The following PARD3 variants were observed in gnomAD, a reference collection of about 807,000 sequenced individuals.
PARD3 encodes the protein partitioning defective 3 homolog.
PARD3 carries 75 observed loss-of-function variants against 155.4 expected under a neutral mutation model. The ratio of observed to expected loss-of-function variants is 0.48; its 90% CI spans 0.40 to 0.58. The LOEUF (loss-of-function observed/expected upper bound fraction) is 0.58. Ranked by LOEUF, PARD3 falls within the 20% of genes least tolerant of loss-of-function variation. The pLI is 0.00. For missense variants in PARD3, 1,642 were observed against 1,721.7 expected, an observed-to-expected ratio of 0.95 and a Z score of 0.82; for synonymous variants, 576 against 610.5, an observed-to-expected ratio of 0.94 and a Z score of 0.83.
intron 5 of PARD3, among the ~76,000 whole-genome samples, chr10:34,408,984 C>T (rs951001784): frequency 2.6e-5 from 4 of 152,086 alleles, no homozygotes; most frequent in Non-Finnish European, 4.4e-5. Flanking sequence ...CAAAGCTCAA[C>T]ATCAAATTAT....
intron 2 of PARD3, among the ~76,000 whole-genome samples, chr10:34,548,578 A>G (rs1036753121): frequency 6.6e-6 from 1 of 152,068 alleles, no homozygotes; most frequent in African/African-American, 2.4e-5. Context: ...AAAATAAAAT[A>G]GCATGCAATT....
intron 3 of PARD3, among the ~76,000 whole-genome samples, chr10:34,502,823 G>C (rs1564786687): frequency 6.6e-6 from 1 of 152,088 alleles, no homozygotes; most frequent in Non-Finnish European, 1.5e-5. Flanking sequence ...AAAAGAGAAG[G>C]ACAGATCTTA....
At chr10:34,814,017 A>C (rs531015052) in intron 1 of PARD3, among the ~76,000 whole-genome samples, 264 of 152,318 alleles carry the variant, frequency 1.7e-3, no homozygotes, top group African/African-American at 5.4e-3. Flanking sequence ...TTATCAGTCC[A>C]CCAGGAAAAA....
At chr10:34,803,804 GAAAATAAAAAATA>G (rs368660053) in intron 1 of PARD3, among the ~76,000 whole-genome samples, 171 of 151,944 alleles carry the variant, frequency 1.1e-3, no homozygotes, top group African/African-American at 3.8e-3. Context: ...CTCCATCTCG[GAAAATAAAAAATA>G]AAAATAAAAA....
At chr10:34,350,328 C>G (rs1837914978) in intron 14 of PARD3, among the ~76,000 whole-genome samples, 1 of 152,134 alleles carries the variant, frequency 6.6e-6, no homozygotes, top group Non-Finnish European at 1.5e-5. Context: ...CCCTTGCAGG[C>G]TCCTTATATT....
rs541121040 is a variant in PARD3 at position 34,405,766 on chromosome 10, C to T, written c.715-3849G>A. 2.0e-5 allele frequency among the ~76,000 whole-genome samples: 3 copies of T among 152,262 alleles called. No individual in the cohort carries two copies. The South Asian group carries it at 6.2e-4, about 32-fold the overall frequency. On this transcript the variant is annotated intron_variant, in intron 5 of 24. Coordinates refer to ENST00000374788, the MANE Select transcript of PARD3 (RefSeq NM_001184785.2). ...CCACACCGCTAGCCAGAGTATCTTC[C>T]TTTTATGTAGTGGTTCCTCAGCTAA...
chr10:34,135,112 T>C (rs1018122644), intron 22 of PARD3, among the ~76,000 whole-genome samples: 10 of 152,200 alleles, frequency 6.6e-5, no homozygotes, highest in African/African-American at 2.4e-4. Flanking sequence ...GGTGAGACAA[T>C]AAAACCCTTA....
chr10:34,440,804 A>G (rs1243455403), intron 5 of PARD3, among the ~76,000 whole-genome samples: 1 of 152,062 alleles, frequency 6.6e-6, no homozygotes, highest in African/African-American at 2.4e-5. Context: ...TGTGCCCTCC[A>G]AACTCCATTC....
intron 5 of PARD3, 56 bp from the exon 6 acceptor site, chr10:34,401,973 T>C: frequency 7.4e-7 from 1 of 1,349,000 alleles, no homozygotes; most frequent in African/African-American, 1.4e-5. Context: ...CTTGCTACAA[T>C]GTGAAAGGAA....
chr10:34,362,277 C>T (rs1039099195), intron 12 of PARD3, among the ~76,000 whole-genome samples: 5 of 151,810 alleles, frequency 3.3e-5, no homozygotes, highest in African/African-American at 4.8e-5. Context: ...CCAGCCTGGG[C>T]GACAGAGCAA....
intron 22 of PARD3, among the ~76,000 whole-genome samples, chr10:34,190,381 G>C (rs554233643): frequency 2.0e-5 from 3 of 152,096 alleles, no homozygotes; most frequent in Non-Finnish European, 4.4e-5. Flanking sequence ...ATTCTGCACA[G>C]TTATTTATAT....
chr10:34,228,336 C>G (rs1016105386), intron 22 of PARD3, among the ~76,000 whole-genome samples: 1 of 151,950 alleles, frequency 6.6e-6, no homozygotes, highest in Non-Finnish European at 1.5e-5. Context: ...ATGTGTACAC[C>G]AAGCCCCCAT....
At chr10:34,307,828 G>C (rs375589170) in intron 20 of PARD3, among the ~76,000 whole-genome samples, 3 of 152,154 alleles carry the variant, frequency 2.0e-5, no homozygotes, top group African/African-American at 7.2e-5. Flanking sequence ...GGGGAAAAAT[G>C]GGTTAACATT....
At chr10:34,805,293 G>A (rs1241655442) in intron 1 of PARD3, among the ~76,000 whole-genome samples, 3 of 152,038 alleles carry the variant, frequency 2.0e-5, no homozygotes, top group Non-Finnish European at 4.4e-5. Flanking sequence ...GGAGGCAGAG[G>A]TTGCAGTGAG....
At chr10:34,691,634 G>A (rs190520220) in intron 2 of PARD3, among the ~76,000 whole-genome samples, 1 of 152,264 alleles carries the variant, frequency 6.6e-6, no homozygotes, top group African/African-American at 2.4e-5. Context: ...GAATAGCCAA[G>A]GCAATCCTAA....
At chr10:34,632,360 C>T (rs1053056080) in intron 2 of PARD3, among the ~76,000 whole-genome samples, 4 of 152,192 alleles carry the variant, frequency 2.6e-5, no homozygotes, top group African/African-American at 9.7e-5. Flanking sequence ...GAATCCAGCC[C>T]CATCCTCTGC....
At chr10:34,451,263 G>A (rs979822221) in intron 4 of PARD3, among the ~76,000 whole-genome samples, 1 of 152,122 alleles carries the variant, frequency 6.6e-6, no homozygotes, top group African/African-American at 2.4e-5. Flanking sequence ...TAAACTAGGG[G>A]AGTCAAACTT....
intron 22 of PARD3, among the ~76,000 whole-genome samples, chr10:34,189,238 G>C (rs1031944006): frequency 2.6e-5 from 4 of 152,212 alleles, no homozygotes; most frequent in Admixed American, 2.6e-4. Flanking sequence ...GAGGTGAGGG[G>C]AGGAGCCCTT....
intron 2 of PARD3, among the ~76,000 whole-genome samples, chr10:34,560,983 T>C (rs191418197): frequency 5.1e-4 from 77 of 152,262 alleles, no homozygotes; most frequent in Middle Eastern, 3.4e-3. Flanking sequence ...AAACCACTAT[T>C]TGGGATAAGC....
Sources: allele counts gnomAD v4.1 joint callset (sites outside exome capture counted in the v4.1 genomes callset), GRCh38; gene constraint gnomAD v4.1.1; transcripts MANE v1.5; gene names NCBI Gene and HGNC (gene_info 2026-07-23, HGNC 2026-07-21).